The following DARS2 variants were observed in gnomAD, a reference collection of about 807,000 sequenced individuals.
DARS2 encodes aspartyl-tRNA synthetase 2, mitochondrial.
Under a neutral mutation model 83.0 loss-of-function variants are expected in DARS2, and 63 were observed. That is an observed-to-expected ratio of 0.76 (90% CI 0.62 to 0.94). The LOEUF is 0.94. Ranked by LOEUF, DARS2 falls within the 40% of genes least tolerant of loss-of-function variation. DARS2 has a pLI of 0.00. For synonymous variants in DARS2, 250 were observed against 269.3 expected (o/e 0.93, Z 0.70); for missense variants, 675 against 774.4 (o/e 0.87, Z 1.52).
intron 13 of DARS2, chr1:173,851,739 GTATA>G (rs1293776365): frequency 1.7e-6 from 1 of 591,022 alleles, no homozygotes; most frequent in Non-Finnish European, 2.1e-6. Context: ...TTTCACTTTA[GTATA>G]TAGTTTTTTC....
chr1:173,856,043 T>TA (rs1653849005), intron 15 of DARS2, among the ~76,000 whole-genome samples: 1 of 151,726 alleles, frequency 6.6e-6, no homozygotes, highest in Non-Finnish European at 1.5e-5. Flanking sequence ...TGGAAAGCAT[T>TA]AAAAAAAACA....
At chr1:173,831,415 ATACAC>A in intron 4 of DARS2, 115 bp from the exon 5 acceptor site, 2 of 820,904 alleles carry the variant, frequency 2.4e-6, no homozygotes, top group Non-Finnish European at 4.3e-6. Flanking sequence ...GTTTTATACT[ATACAC>A]TATAAGGACT....
chr1:173,857,400 G>T, intron 16 of DARS2, 118 bp from the exon 17 acceptor site: 1 of 997,384 alleles, frequency 1.0e-6, no homozygotes, highest in Non-Finnish European at 1.5e-6. Context: ...AACGATGGTT[G>T]GCTACAGTTT....
rs1374291992 is a variant in DARS2, at chr1:173,839,394, C to G, written c.868C>G (p.Gln290Glu). 6.2e-7 allele frequency: 1 copy of G among 1,613,940 alleles called. No individual in the cohort carries two copies. Among genetic ancestry groups the G allele is most frequent in the African/African-American group, 1.3e-5 (1 of 74,888 alleles). The change falls in exon 10 of 17, where the codon CAG becomes GAG. Residue 290 changes from glutamine (Q) to glutamate (E), a missense_variant. Transcript: ENST00000649689. ...TGACATAGAGATGTCATTTGTAGAC[C>G]AGACTGGGATCCAGAGTTTAATTGA... ...QIDIEMSFVD[Q>E]TGIQSLIEGL...
intron 10 of DARS2, among the ~76,000 whole-genome samples, chr1:173,840,431 T>A (rs1474964599): frequency 1.3e-5 from 2 of 152,154 alleles, no homozygotes; most frequent in Admixed American, 1.3e-4. Flanking sequence ...AGAGATGGAA[T>A]TTTGCCATGT....
At chr1:173,828,237 G>T in intron 2 of DARS2, 96 bp from the exon 3 acceptor site, 1 of 1,189,144 alleles carries the variant, frequency 8.4e-7, no homozygotes, top group Non-Finnish European at 1.2e-6. Context: ...ATGAAAAATT[G>T]CATGGATTTT....
At chr1:173,850,891 C>T (rs763383322) in intron 13 of DARS2, among the ~76,000 whole-genome samples, 4 of 151,978 alleles carry the variant, frequency 2.6e-5, no homozygotes, top group Non-Finnish European at 5.9e-5. Flanking sequence ...AGGCGTGAGC[C>T]ACCGTGCCCA....
chr1:173,835,156 T>C (rs1242869555), intron 7 of DARS2, among the ~76,000 whole-genome samples: 1 of 151,638 alleles, frequency 6.6e-6, no homozygotes, highest in Non-Finnish European at 1.5e-5. Flanking sequence ...TTAGACAGTC[T>C]CGTTCTGTCA....
At chr1:173,851,894 A>G in intron 13 of DARS2, 3 of 985,380 alleles carry the variant, frequency 3.0e-6, no homozygotes, top group Non-Finnish European at 3.6e-6. Context: ...CCCTTCCCCT[A>G]CAATAGTAAA....
At chr1:173,856,280 C>T (rs559571795) in intron 15 of DARS2, among the ~76,000 whole-genome samples, 7 of 152,194 alleles carry the variant, frequency 4.6e-5, no homozygotes, top group Non-Finnish European at 1.0e-4. Flanking sequence ...TCCTTCCTCC[C>T]GGCAGCATTT....
At chr1:173,826,633 T>C in intron 1 of DARS2, 54 bp from the exon 2 acceptor site, 1 of 1,311,612 alleles carries the variant, frequency 7.6e-7, no homozygotes, top group Admixed American at 1.9e-5. Flanking sequence ...AACCTGCAAG[T>C]GATGTATTTT....
At chr1:173,836,812 T>C in intron 7 of DARS2, 128 bp from the exon 8 acceptor site, 2 of 795,018 alleles carry the variant, frequency 2.5e-6, no homozygotes, top group Middle Eastern at 3.4e-4. Flanking sequence ...TCTCTGTCAT[T>C]GTAGGAACTT....
chr1:173,835,692 G>A (rs1168588875), intron 7 of DARS2, among the ~76,000 whole-genome samples: 1 of 151,836 alleles, frequency 6.6e-6, no homozygotes, highest in Non-Finnish European at 1.5e-5. Context: ...CAGATCACCT[G>A]AGGTCAGGAG....
chr1:173,832,497 A>G (rs529310167), intron 5 of DARS2, among the ~76,000 whole-genome samples: 7 of 152,286 alleles, frequency 4.6e-5, no homozygotes, highest in Non-Finnish European at 7.4e-5. Context: ...TAGGCTGGGC[A>G]TGGTGGCTCA....
At chr1:173,857,353 C>T (rs1313073134) in intron 16 of DARS2, among the ~76,000 whole-genome samples, 165 bp from the exon 17 acceptor site, 1 of 152,106 alleles carries the variant, frequency 6.6e-6, no homozygotes, top group African/African-American at 2.4e-5. Context: ...TAGAAAAGAA[C>T]CTCTCAAACA....
At chr1:173,837,800 T>C (rs1653058306) in intron 8 of DARS2, among the ~76,000 whole-genome samples, 4 of 151,156 alleles carry the variant, frequency 2.6e-5, no homozygotes. Flanking sequence ...TGAGACAGAG[T>C]CTTTGCTCTG....
rs1386148921 is a variant in DARS2 at position 173,858,507 on chromosome 1, C to T, written c.*802C>T. On this transcript the variant is annotated 3_prime_UTR_variant, in exon 17 of 17. Coordinates refer to ENST00000649689, the MANE Select transcript of DARS2 (RefSeq NM_018122.5). ...CTCTATTTTATAGTTTCAGATTAAA[C>T]AAAACTGATATCAATAGTAAAAGTC... 2.0e-5 allele frequency: 3 copies of T among 151,450 alleles called. No homozygotes were observed. Among genetic ancestry groups the T allele is most frequent in the African/African-American group, 7.3e-5 (3 of 41,254 alleles). The allele number at this position is 151,450 out of a possible 1,614,324, so 9.4% of individuals were successfully genotyped here.
chr1:173,839,615 A>C, intron 10 of DARS2, 69 bp downstream of exon 10: 1 of 1,449,996 alleles, frequency 6.9e-7, no homozygotes, highest in Non-Finnish European at 9.7e-7. Flanking sequence ...CCACTTTGAA[A>C]TTGACAAGTG....
Position 173,857,850 on chromosome 1 carries a change from CG to C in DARS2, c.*146del. On this transcript the variant is annotated 3_prime_UTR_variant, in exon 17 of 17. Coordinates refer to ENST00000649689, the MANE Select transcript of DARS2 (RefSeq NM_018122.5). Reference sequence around the variant, plus strand: ...ATCCAGGCAACATTCTTCACCACAACGAAGAAACAGATAAAAGATACCCAAT... The same window carrying C: ...ATCCAGGCAACATTCTTCACCACAACAAGAAACAGATAAAAGATACCCAAT... 2 of 863,366 alleles carry C rather than the reference CG, an allele frequency of 2.3e-6. No homozygotes were observed. Among genetic ancestry groups the C allele is most frequent in the Non-Finnish European group, 3.7e-6 (2 of 541,634 alleles). 53.5% of individuals were successfully genotyped at this position (863,366 alleles called of 1,614,324 possible). A position where few individuals can be genotyped will look rare whatever the true frequency, so the allele number is the denominator to read the frequency against.
Sources: allele counts gnomAD v4.1 joint callset (sites outside exome capture counted in the v4.1 genomes callset), GRCh38; gene constraint gnomAD v4.1.1; transcripts MANE v1.5; gene names NCBI Gene and HGNC (gene_info 2026-07-23, HGNC 2026-07-21).